Variants in HSPG2 observed in about 807,000 individuals in gnomAD.
HSPG2 encodes basement membrane-specific heparan sulfate proteoglycan core protein.
HSPG2 carries 278 observed loss-of-function variants against 526.6 expected under a neutral mutation model. The observed-to-expected ratio is 0.53, with a 90% CI of 0.48 to 0.58. The LOEUF (loss-of-function observed/expected upper bound fraction) is 0.58. Ranked by LOEUF, HSPG2 falls within the 20% of genes least tolerant of loss-of-function variation. The pLI, the probability that HSPG2 is intolerant of heterozygous loss-of-function variation, is 0.00. For missense variants in HSPG2, 5,354 were observed against 6,099.5 expected, an observed-to-expected ratio of 0.88 and a Z score of 4.07; for synonymous variants, 2,465 against 2,555.4, an observed-to-expected ratio of 0.96 and a Z score of 1.07.
At position 21,828,878 on chromosome 1, in the gene HSPG2, G is replaced by A. The variant is rs763103278; in HGVS notation, c.12194C>T (p.Pro4065Leu). The A allele has an allele frequency of 1.0e-4, 159 of 1,552,826 alleles. 2 individuals carry two copies. The highest frequency in any genetic ancestry group is 5.8e-4 in the South Asian group (49 of 84,220). Reference protein sequence around the residue: ...GGVEPSVPLSPATNMSAHFRG... With the variant: ...GGVEPSVPLSLATNMSAHFRG... ...GAAGTGAGCGCTCATGTTGGTGGCCGGGGACAGTGGCACGGAAGGCTCCAC... is the reference window on the plus strand; with the variant it reads ...GAAGTGAGCGCTCATGTTGGTGGCCAGGGACAGTGGCACGGAAGGCTCCAC... Residue 4065 changes from proline to leucine, a missense_variant, in exon 88 of 97, where the codon CCG becomes CTG. Coordinates refer to ENST00000374695, the MANE Select transcript of HSPG2 (RefSeq NM_005529.7). The surrounding 1 kb of genome is among the most constrained non-coding windows in gnomAD (Gnocchi z 6.0).
chr1:21,888,015 T>C lies in HSPG2; in HGVS notation c.626A>G (p.Tyr209Cys). The C allele has an allele frequency of 6.2e-7, 1 of 1,614,196 alleles. No individual in the cohort carries two copies. The highest frequency in any genetic ancestry group is 1.1e-5 in the South Asian group (1 of 91,088). The part of the protein sequence containing the change: ...CTEAEFACHS[Y>C]NECVALEYRC... Reference sequence around the variant, plus strand: ...ATACTCCAGGGCCACACACTCATTGTAGCTGTGGCAGGCAAACTCGGCCTC... The same window carrying C: ...ATACTCCAGGGCCACACACTCATTGCAGCTGTGGCAGGCAAACTCGGCCTC... Residue 209 changes from tyrosine to cysteine, a missense_variant, in exon 7 of 97, where the codon TAC (tyrosine) becomes TGC (cysteine). Transcript: ENST00000374695.
chr1:21,933,924 T>A (rs1644414025), intron 1 of HSPG2, among the ~76,000 whole-genome samples: 1 of 152,138 alleles, frequency 6.6e-6, no homozygotes, highest in African/African-American at 2.4e-5. Flanking sequence ...GCCTCCCCAG[T>A]GAGGAAATCC....
rs772964421 is a variant in HSPG2 at position 21,834,841 on chromosome 1, C to T, written c.10558G>A (p.Val3520Met). ...TGCCCTCCAACTTTGCTCCATGTCA[C>T]CTGAGGCTTGGGGTCACCCAGTGCC... ...CLALGDPKPQVTWSKVGGHLR... is the reference protein window; with the variant it reads ...CLALGDPKPQMTWSKVGGHLR... Residue 3520 changes from valine (V) to methionine (M), a missense_variant, in exon 77 of 97, where the codon GTG becomes ATG. By Grantham distance (21) the Val-to-Met change is conservative (BLOSUM62 1). Coordinates refer to ENST00000374695, the MANE Select transcript of HSPG2 (RefSeq NM_005529.7). 1.2e-6 allele frequency: 2 copies of T among 1,614,236 alleles called. No homozygotes were observed. The highest frequency in any genetic ancestry group is 1.1e-5 in the South Asian group (1 of 91,088).
At chr1:21,830,503 C>T (rs926787233) in intron 85 of HSPG2, 12 of 275,224 alleles carry the variant, frequency 4.4e-5, no homozygotes, top group East Asian at 9.2e-5. Context: ...CCATGGCCAA[C>T]GTAGTGAAAC....
At position 21,884,917 on chromosome 1, in the gene HSPG2, C is replaced by T. The variant is rs772113085; in HGVS notation, c.1357G>A (p.Val453Met). 1.2e-6 allele frequency: 2 copies of T among 1,614,002 alleles called. No individual in the cohort carries two copies. Among genetic ancestry groups the T allele is most frequent in the Admixed American group, 1.7e-5 (1 of 60,036 alleles). ...NWGHIPSHPR[V>M]TVTSEGGRGT... Reference sequence around the variant, plus strand: ...CGGCCACCCTCGCTGGTCACTGTCACCCTGGTGAGCCCCAAGACAAGTGGT... The same window carrying T: ...CGGCCACCCTCGCTGGTCACTGTCATCCTGGTGAGCCCCAAGACAAGTGGT... Residue 453 changes from valine (V) to methionine (M), a missense_variant and splice_region_variant, in exon 12 of 97, where the codon GTG (valine) becomes ATG (methionine). Physicochemically the swap from Val to Met is conservative, Grantham distance 21. Transcript: ENST00000374695.
rs189103460 is a variant in HSPG2 at position 21,835,628 on chromosome 1, G to A, written c.10365C>T (p.Asn3455=). Residue 3455 remains asparagine, a synonymous_variant, in exon 76 of 97, where the codon AAC becomes AAT. Transcript: ENST00000374695. ...SVQDGVLRIQ[N]LDQSCQGTYI... is the part of the protein sequence containing the mutation. ...ACGTCCCTTGGCAGCTCTGGTCCAAGTTCTGGATTCTATAAAGAAAAAATA... is the reference window on the plus strand; with the variant it reads ...ACGTCCCTTGGCAGCTCTGGTCCAAATTCTGGATTCTATAAAGAAAAAATA... 2.9e-4 allele frequency: 461 copies of A among 1,612,878 alleles called. No individual in the cohort carries two copies. The highest frequency in any genetic ancestry group is 6.6e-4 in the Middle Eastern group (4 of 6,056).
rs10917052 is a variant in HSPG2, at chr1:21,828,494, G to A, written c.12238-68C>T. On this transcript the variant is annotated intron_variant, in intron 88 of 96. Transcript: ENST00000374695. This position sits in a 1 kb window ranked among gnomAD's most constrained non-coding sequence, Gnocchi z 6.0. ...GCAGAGACCCAGGTGTACCAGCAGG[G>A]AGAAGAATGCAGCAGAGGGGAGCTG... is the stretch of plus-strand genomic sequence containing the variant. 443,942 of 1,524,996 alleles carry A rather than the reference G, an allele frequency of 0.29. 68,399 individuals are homozygous for A. The highest frequency in any genetic ancestry group is 0.47 in the South Asian group (41,745 of 88,674). 94.5% of individuals were successfully genotyped at this position (1,524,996 alleles called of 1,614,324 possible).
At position 21,861,764 on chromosome 1, in the gene HSPG2, A is replaced by G; in HGVS notation, c.4948T>C (p.Cys1650Arg). 1 of 1,613,950 alleles carries G rather than the reference A, an allele frequency of 6.2e-7. No homozygotes were observed. The highest frequency in any genetic ancestry group is 8.5e-7 in the Non-Finnish European group (1 of 1,179,932). ...ACEPGYTGQY[C>R]EQCGPGYVGN... ...TTCTGTTTACAAACTTACTGCTCAC[A>G]GTACTGGCCAGTGTAGCCGGGTTCG... is the stretch of plus-strand genomic sequence containing the variant. The change falls in exon 39 of 97, where the codon TGT (cysteine) becomes CGT (arginine). Residue 1650 changes from cysteine (C) to arginine (R), a missense_variant. By Grantham distance (180) the Cys-to-Arg change is radical. Transcript: ENST00000374695.
chr1:21,873,561 G>C, intron 29 of HSPG2, 137 bp from the exon 30 acceptor site: 2 of 927,140 alleles, frequency 2.2e-6, no homozygotes, highest in Non-Finnish European at 3.5e-6. Context: ...CATGTTACGG[G>C]GAAACTGGGC....
chr1:21,899,802 C>T (rs1381024498), intron 1 of HSPG2, among the ~76,000 whole-genome samples: 1 of 152,198 alleles, frequency 6.6e-6, no homozygotes, highest in Non-Finnish European at 1.5e-5. Flanking sequence ...CTGCCCAGAC[C>T]ACAGGTGAGG....
At chr1:21,930,503 G>A (rs774017535) in intron 1 of HSPG2, among the ~76,000 whole-genome samples, 12 of 152,252 alleles carry the variant, frequency 7.9e-5, no homozygotes, top group Non-Finnish European at 1.5e-4. Flanking sequence ...GGCGGGTGCA[G>A]TGGCTCACGC....
rs2098019795 is a variant in HSPG2 at position 21,834,833 on chromosome 1, C to T, written c.10566G>A (p.Trp3522Ter). The change falls in exon 77 of 97, where the codon TGG becomes TGA. Residue 3522 changes from tryptophan (W) to a stop codon, truncating the protein, a stop_gained. Coordinates refer to ENST00000374695, the MANE Select transcript of HSPG2 (RefSeq NM_005529.7). LOFTEE classifies it high-confidence loss of function. ...GCCGCAGGTGCCCTCCAACTTTGCT[C>T]CATGTCACCTGAGGCTTGGGGTCAC... ...ALGDPKPQVT[W>*]SKVGGHLRPG... 1 of 1,614,106 alleles carries T rather than the reference C, an allele frequency of 6.2e-7. No individual in the cohort carries two copies. The highest frequency in any genetic ancestry group is 1.1e-5 in the South Asian group (1 of 91,090).
chr1:21,849,237 C>T (rs902731643), intron 57 of HSPG2, among the ~76,000 whole-genome samples: 2 of 152,238 alleles, frequency 1.3e-5, no homozygotes, highest in African/African-American at 2.4e-5. Context: ...ATGCCAGGGA[C>T]GACTGAGACT....
In HSPG2 at chr1:21,864,365, C is replaced by T; in HGVS notation, c.4627-152G>A. Reference sequence around the variant, plus strand: ...CTTCCCCACTTCTGCTCAGTCTGTCCTCCCACCCACGGCCCTCTCCCAGTC... The same window carrying T: ...CTTCCCCACTTCTGCTCAGTCTGTCTTCCCACCCACGGCCCTCTCCCAGTC... On this transcript the variant is annotated intron_variant, in intron 36 of 96. Transcript: ENST00000374695. This position sits in a 1 kb window ranked among gnomAD's most constrained non-coding sequence, Gnocchi z 4.8. 1 of 712,518 alleles carries T rather than the reference C, an allele frequency of 1.4e-6. No individual in the cohort carries two copies. Among genetic ancestry groups the T allele is most frequent in the Non-Finnish European group, 2.6e-6 (1 of 390,794 alleles). 44.1% of individuals were successfully genotyped at this position (712,518 alleles called of 1,614,324 possible). A position where few individuals can be genotyped will look rare whatever the true frequency, so the allele number is the denominator to read the frequency against.
At chr1:21,921,224 A>AG (rs1359391025) in intron 1 of HSPG2, among the ~76,000 whole-genome samples, 2 of 152,170 alleles carry the variant, frequency 1.3e-5, no homozygotes, top group African/African-American at 2.4e-5. Context: ...GAACTGGCAG[A>AG]GTTGGGGGTT....
chr1:21,826,975 A>AG (rs1270792611), intron 91 of HSPG2, among the ~76,000 whole-genome samples: 6 of 152,016 alleles, frequency 3.9e-5, no homozygotes, highest in South Asian at 2.1e-4. Context: ...TAGGAAGCCA[A>AG]GGGGGGCGGA....
chr1:21,854,875 C>T lies in HSPG2; in HGVS notation c.6106G>A (p.Ala2036Thr), dbSNP rs1268676663. ...VATSPAGTAQ[A>T]RIQVVVLSAS... ...GAAAGGACAACCACTTGGATCCGGG[C>T]CTGGGCAGTGCCTGCAGGGCTGGTG... is the stretch of plus-strand genomic sequence containing the variant. The change falls in exon 48 of 97, where the codon GCC becomes ACC. Residue 2036 changes from alanine to threonine, a missense_variant. Transcript: ENST00000374695. 1.9e-6 allele frequency: 3 copies of T among 1,614,120 alleles called. No individual in the cohort carries two copies. The highest frequency in any genetic ancestry group is 2.5e-6 in the Non-Finnish European group (3 of 1,180,016).
chr1:21,921,223 G>A (rs1644030164), intron 1 of HSPG2, among the ~76,000 whole-genome samples: 1 of 152,222 alleles, frequency 6.6e-6, no homozygotes. Context: ...AGAACTGGCA[G>A]AGTTGGGGGT....
chr1:21,882,237 T>C (rs1641572296), intron 13 of HSPG2, among the ~76,000 whole-genome samples: 1 of 152,204 alleles, frequency 6.6e-6, no homozygotes. Flanking sequence ...TCCAGGTGTG[T>C]TGTAAGCCTG....
Sources: allele counts gnomAD v4.1 joint callset (sites outside exome capture counted in the v4.1 genomes callset), GRCh38; gene constraint gnomAD v4.1.1; non-coding constraint Gnocchi (gnomAD v3.1); transcripts MANE v1.5; gene names NCBI Gene and HGNC (gene_info 2026-07-23, HGNC 2026-07-21).